Variants in ROBO1 observed in about 807,000 individuals in gnomAD.
ROBO1 encodes the protein roundabout guidance receptor 1, also known as roundabout homolog 1.
A neutral mutation model predicts 195.9 loss-of-function variants in ROBO1; 149 were observed. The observed-to-expected ratio is 0.76, with a 90% confidence interval of 0.67 to 0.87. ROBO1 has a LOEUF of 0.87. Ranked by LOEUF, ROBO1 falls within the 40% of genes least tolerant of loss-of-function variation. The pLI is 0.00. For synonymous variants in ROBO1, 816 were observed against 733.2 expected (o/e 1.11, Z -1.82); for missense variants, 1,933 against 2,068.3 (o/e 0.93, Z 1.27).
At chr3:79,225,840 C>T (rs980602103) in intron 2 of ROBO1, among the ~76,000 whole-genome samples, 2 of 152,100 alleles carry the variant, frequency 1.3e-5, no homozygotes, top group African/African-American at 2.4e-5. Context: ...GCAATGGCTC[C>T]GAGACATCCT....
intron 1 of ROBO1, among the ~76,000 whole-genome samples, chr3:79,740,872 T>C (rs917639426): frequency 2.6e-5 from 4 of 152,160 alleles, no homozygotes; most frequent in African/African-American, 7.2e-5. Context: ...CATATACATA[T>C]AGTGATATCT....
intron 4 of ROBO1, among the ~76,000 whole-genome samples, chr3:78,770,473 A>G (rs2083344817): frequency 6.6e-6 from 1 of 152,038 alleles, no homozygotes; most frequent in African/African-American, 2.4e-5. Context: ...TAATAAGACT[A>G]TTTGCTTTTT....
intron 1 of ROBO1, among the ~76,000 whole-genome samples, chr3:79,598,499 A>C (rs916081216): frequency 6.6e-6 from 1 of 152,002 alleles, no homozygotes; most frequent in Non-Finnish European, 1.5e-5. Flanking sequence ...AGTAACACCA[A>C]ATATCAGCAA....
intron 4 of ROBO1, among the ~76,000 whole-genome samples, chr3:78,910,960 T>A (rs1194387918): frequency 6.6e-6 from 1 of 151,968 alleles, no homozygotes; most frequent in African/African-American, 2.4e-5. Flanking sequence ...GAGTGAGGCC[T>A]AGCAATCTAG....
intron 2 of ROBO1, among the ~76,000 whole-genome samples, chr3:79,555,540 G>A (rs1942668347): frequency 6.6e-6 from 1 of 152,076 alleles, no homozygotes; most frequent in Non-Finnish European, 1.5e-5. Flanking sequence ...ATGAAATTCT[G>A]GTAGTAACAT....
intron 2 of ROBO1, among the ~76,000 whole-genome samples, chr3:79,204,187 A>C (rs1483249366): frequency 6.6e-6 from 1 of 152,144 alleles, no homozygotes; most frequent in African/African-American, 2.4e-5. Flanking sequence ...GATATTCATC[A>C]CTTCAAACCT....
chr3:79,336,375 T>C (rs187766908), intron 2 of ROBO1, among the ~76,000 whole-genome samples: 2 of 152,332 alleles, frequency 1.3e-5, no homozygotes, highest in African/African-American at 4.8e-5. Flanking sequence ...CATGGTGCAC[T>C]GCATCCCAGC....
At chr3:79,532,100 G>A (rs4279056) in intron 2 of ROBO1, among the ~76,000 whole-genome samples, 86,894 of 151,904 alleles carry the variant, frequency 0.57, 24,979 homozygotes, top group Non-Finnish European at 0.6. Flanking sequence ...AAGGTAAGGC[G>A]ATGATGGTTA....
intron 3 of ROBO1, among the ~76,000 whole-genome samples, chr3:79,014,432 C>T (rs1479132607): frequency 6.6e-6 from 1 of 152,088 alleles, no homozygotes; most frequent in African/African-American, 2.4e-5. Flanking sequence ...AAGATCACAC[C>T]ACCACACTCC....
rs554782891 is a variant in ROBO1 at position 78,639,866 on chromosome 3, G to A, written c.2915C>T (p.Ala972Val). The change falls in exon 22 of 31, where the codon GCG (alanine) becomes GTG (valine). Residue 972 changes from alanine (A) to valine (V), a missense_variant. Ala to Val is a moderately conservative substitution (Grantham distance 64). Coordinates refer to ENST00000464233, the MANE Select transcript of ROBO1 (RefSeq NM_002941.4). ...PGLLNISEPA[A>V]QPWLADTWPN... is the part of the protein sequence containing the mutation. Reference sequence around the variant, plus strand: ...CCACGTGTCTGCCAGCCATGGCTGCGCGGCAGGTTCACTGATGTTGAGAAG... The same window carrying A: ...CCACGTGTCTGCCAGCCATGGCTGCACGGCAGGTTCACTGATGTTGAGAAG... The A allele has an allele frequency of 2.4e-5, 38 of 1,608,178 alleles. No homozygotes were observed. The highest frequency in any genetic ancestry group is 1.3e-4 in the African/African-American group (10 of 74,926).
intron 3 of ROBO1, among the ~76,000 whole-genome samples, chr3:78,948,293 G>A (rs1289965716): frequency 1.3e-5 from 2 of 152,176 alleles, no homozygotes; most frequent in Non-Finnish European, 2.9e-5. Context: ...AAATCCAGCA[G>A]CAAATCAAAA....
At chr3:78,700,883 C>A (rs775316799) in intron 8 of ROBO1, among the ~76,000 whole-genome samples, 7 of 152,012 alleles carry the variant, frequency 4.6e-5, no homozygotes, top group Non-Finnish European at 1.0e-4. Flanking sequence ...CCTGCCTCAG[C>A]CTCCTGAGTA....
intron 19 of ROBO1, among the ~76,000 whole-genome samples, chr3:78,648,172 A>T (rs1424437185): frequency 6.6e-6 from 1 of 152,030 alleles, no homozygotes; most frequent in Non-Finnish European, 1.5e-5. Flanking sequence ...AGAAGAAACA[A>T]CAAACAAACA....
At chr3:79,402,928 G>A (rs1302109271) in intron 2 of ROBO1, among the ~76,000 whole-genome samples, 1 of 151,856 alleles carries the variant, frequency 6.6e-6, no homozygotes, top group Non-Finnish European at 1.5e-5. Context: ...TTCTGGTGGA[G>A]ATTTCTGGTG....
At chr3:78,649,381 A>G (rs985660402) in intron 19 of ROBO1, among the ~76,000 whole-genome samples, 1 of 151,786 alleles carries the variant, frequency 6.6e-6, no homozygotes, top group Non-Finnish European at 1.5e-5. Flanking sequence ...AATATAATAA[A>G]CTCTCTGGGT....
intron 5 of ROBO1, among the ~76,000 whole-genome samples, chr3:78,740,936 A>G (rs895630411): frequency 2.6e-5 from 4 of 152,176 alleles, no homozygotes; most frequent in African/African-American, 9.6e-5. Flanking sequence ...ACTAATCTAA[A>G]ACAAAAGGTT....
At chr3:79,143,023 AC>A (rs1559690527) in intron 2 of ROBO1, among the ~76,000 whole-genome samples, 1 of 152,248 alleles carries the variant, frequency 6.6e-6, no homozygotes, top group Non-Finnish European at 1.5e-5. Context: ...AAAGTGTAAT[AC>A]GGGAGTCAGA....
At chr3:79,051,264 G>T (rs1326525306) in intron 3 of ROBO1, among the ~76,000 whole-genome samples, 1 of 152,190 alleles carries the variant, frequency 6.6e-6, no homozygotes, top group Non-Finnish European at 1.5e-5. Flanking sequence ...TGCCATCAGA[G>T]AATACTATGA....
intron 4 of ROBO1, among the ~76,000 whole-genome samples, chr3:78,823,388 C>T (rs1038282533): frequency 8.5e-5 from 13 of 152,132 alleles, no homozygotes; most frequent in Admixed American, 8.5e-4. Flanking sequence ...ACTTAATTTA[C>T]TATCCTATTT....
Sources: gnomAD v4.1 joint callset for allele counts (sites outside exome capture counted in the v4.1 genomes callset) on GRCh38, gnomAD v4.1.1 for gene constraint, MANE v1.5 for transcripts, NCBI Gene and HGNC (gene_info 2026-07-23, HGNC 2026-07-21) for gene names.